The following USP49 variants were observed in gnomAD, a reference collection of about 807,000 sequenced individuals.
USP49 encodes the protein ubiquitin carboxyl-terminal hydrolase 49.
Under a neutral mutation model 58.6 loss-of-function variants are expected in USP49, and 24 were observed. The ratio of observed to expected loss-of-function variants is 0.41; its 90% CI spans 0.30 to 0.58. USP49 has a LOEUF of 0.58. Among genes scored for constraint, USP49 ranks in the 20% least tolerant of loss-of-function variants. The pLI is 0.30. For synonymous variants in USP49, 408 were observed against 365.1 expected, an observed-to-expected ratio of 1.12 and a Z score of -1.34; for missense variants, 703 against 866.1, an observed-to-expected ratio of 0.81 and a Z score of 2.36.
chr6:41,893,292 G>C (rs992085682), intron 1 of USP49, among the ~76,000 whole-genome samples: 2 of 152,134 alleles, frequency 1.3e-5, no homozygotes, highest in Non-Finnish European at 2.9e-5. Flanking sequence ...CAAAGCTAAA[G>C]GCAGCTCAGG....
In USP49 at chr6:41,805,145, G is replaced by A. The variant is rs73733034; in HGVS notation, c.1356+483C>T. Reference sequence around the variant, plus strand: ...TTAGGTTACATGGCTAAAGATGCAGGAAATAAAAGGTAATGGGGAACAGGA... The same window carrying A: ...TTAGGTTACATGGCTAAAGATGCAGAAAATAAAAGGTAATGGGGAACAGGA... On this transcript the variant is annotated intron_variant, in intron 4 of 7. Transcript: ENST00000682992. 3.9e-3 allele frequency among the ~76,000 whole-genome samples: 598 copies of A among 152,314 alleles called. 6 individuals are homozygous for A. The highest frequency in any genetic ancestry group is 0.014 in the African/African-American group (565 of 41,560).
intron 4 of USP49, among the ~76,000 whole-genome samples, chr6:41,804,878 A>T (rs1581991825): frequency 1.3e-5 from 2 of 152,232 alleles, no homozygotes; most frequent in South Asian, 2.1e-4. Flanking sequence ...CCTCCCAAGT[A>T]GCTGGGATTA....
chr6:41,848,539 A>T (rs1773963366), intron 3 of USP49, among the ~76,000 whole-genome samples: 1 of 151,776 alleles, frequency 6.6e-6, no homozygotes, highest in Admixed American at 6.6e-5. Flanking sequence ...GCTAATTAAA[A>T]ATATATATAT....
chr6:41,848,359 C>T (rs1773958831), intron 3 of USP49, among the ~76,000 whole-genome samples: 1 of 152,022 alleles, frequency 6.6e-6, no homozygotes, highest in Admixed American at 6.6e-5. Flanking sequence ...ATCCTTCCCT[C>T]CCTATTGGTA....
chr6:41,814,919 AACTT>A (rs1773322002), intron 3 of USP49, among the ~76,000 whole-genome samples: 2 of 152,284 alleles, frequency 1.3e-5, no homozygotes, highest in Non-Finnish European at 1.5e-5. Context: ...TTAACCCTTT[AACTT>A]ACTAAGTGTA....
At chr6:41,808,162 T>G (rs192596699) in intron 3 of USP49, among the ~76,000 whole-genome samples, 9 of 152,092 alleles carry the variant, frequency 5.9e-5, no homozygotes, top group Non-Finnish European at 8.8e-5. Context: ...GAAAGGTAAG[T>G]AAAGAACTGG....
At chr6:41,882,166 G>T (rs904686244) in intron 2 of USP49, among the ~76,000 whole-genome samples, 8 of 152,056 alleles carry the variant, frequency 5.3e-5, no homozygotes, top group African/African-American at 1.9e-4. Context: ...CTCATCTAGG[G>T]TGTGTCTGGA....
rs756544345 is a variant in USP49, at chr6:41,799,946, GT to G, written c.1562-9del. On this transcript the variant is annotated splice_polypyrimidine_tract_variant and intron_variant, in intron 5 of 7. Transcript: ENST00000682992. ...TGGATTTTCGTCGTTTGCCTATGTG[GT>G]TTGGGAAGGTATAAGACATAGGTTG... 6.2e-7 allele frequency: 1 copy of G among 1,613,404 alleles called. No individual in the cohort carries two copies. Among genetic ancestry groups the G allele is most frequent in the South Asian group, 1.1e-5 (1 of 91,056 alleles).
chr6:41,895,040 G>A (rs1024683474), intron 1 of USP49, among the ~76,000 whole-genome samples: 2 of 38,364 alleles, frequency 5.2e-5, no homozygotes, highest in African/African-American at 2.1e-4. Flanking sequence ...CCCCCGCCCC[G>A]GGCGCCCCCA....
Position 41,853,273 on chromosome 6 carries a change from A to G in USP49, c.-29+18291T>C, listed in dbSNP as rs1774062818. Among the ~76,000 whole-genome samples, 3 of 152,232 alleles carry G rather than the reference A, an allele frequency of 2.0e-5. No individual in the cohort carries two copies. In the South Asian group the frequency reaches 6.2e-4, roughly 31 times the overall value. On this transcript the variant is annotated intron_variant, in intron 3 of 7. Coordinates refer to ENST00000682992, the MANE Select transcript of USP49 (RefSeq NM_001286554.2). Reference sequence around the variant, plus strand: ...ACTTTAGGCAAAATGAAATATGCCCATCGGAAAAAGACAAATACTGTATGA... The same window carrying G: ...ACTTTAGGCAAAATGAAATATGCCCGTCGGAAAAAGACAAATACTGTATGA...
At chr6:41,829,942 C>T (rs1329147181) in intron 3 of USP49, among the ~76,000 whole-genome samples, 3 of 152,078 alleles carry the variant, frequency 2.0e-5, no homozygotes. Context: ...AGAAGAACTT[C>T]CCCTTTTAAA....
At chr6:41,887,960 T>C (rs1487107374) in intron 2 of USP49, among the ~76,000 whole-genome samples, 1 of 150,680 alleles carries the variant, frequency 6.6e-6, no homozygotes, top group African/African-American at 2.4e-5. Context: ...TCCGAAACAA[T>C]AACACATGAC....
In USP49 at chr6:41,796,500, C is replaced by T. The variant is rs1772889337; in HGVS notation, c.*33G>A. 2.8e-6 allele frequency: 2 copies of T among 713,708 alleles called. No individual in the cohort carries two copies. Among genetic ancestry groups the T allele is most frequent in the South Asian group, 1.5e-5 (1 of 67,322 alleles). 44.2% of individuals were successfully genotyped at this position (713,708 alleles called of 1,614,324 possible). On this transcript the variant is annotated 3_prime_UTR_variant, in exon 8 of 8. Coordinates refer to ENST00000682992, the MANE Select transcript of USP49 (RefSeq NM_001286554.2). ...GAGGAAAGATGTATGGACACCAATACACAAAAGCCAGTCTTTGATACATGC... is the reference window on the plus strand; with the variant it reads ...GAGGAAAGATGTATGGACACCAATATACAAAAGCCAGTCTTTGATACATGC...
chr6:41,839,126 T>G (rs1773776289), intron 3 of USP49, among the ~76,000 whole-genome samples: 1 of 151,054 alleles, frequency 6.6e-6, no homozygotes, highest in South Asian at 2.1e-4. Flanking sequence ...TCTGAAAGAG[T>G]CCTGGTGTGG....
intron 3 of USP49, among the ~76,000 whole-genome samples, chr6:41,851,418 C>T (rs1048387349): frequency 6.6e-6 from 1 of 152,080 alleles, no homozygotes; most frequent in Admixed American, 6.6e-5. Context: ...AGGCACTGGA[C>T]AAGATTCAAC....
chr6:41,877,691 ACTGGGATT>A (rs1199922454), intron 2 of USP49, among the ~76,000 whole-genome samples: 2 of 107,006 alleles, frequency 1.9e-5, no homozygotes, highest in East Asian at 7.0e-4. Context: ...CTCCCAAGTA[ACTGGGATT>A]ACAGGTTTGC....
At chr6:41,823,693 T>C (rs927989290) in intron 3 of USP49, among the ~76,000 whole-genome samples, 3 of 151,870 alleles carry the variant, frequency 2.0e-5, no homozygotes, top group African/African-American at 7.3e-5. Flanking sequence ...AGAAGTGAAT[T>C]TGTGGGCAGA....
chr6:41,830,121 C>T (rs559558894), intron 3 of USP49, among the ~76,000 whole-genome samples: 18 of 152,096 alleles, frequency 1.2e-4, no homozygotes, highest in African/African-American at 4.1e-4. Context: ...AGAAGATTAG[C>T]CTTTCATTTT....
chr6:41,822,818 CAA>C (rs11324219), intron 3 of USP49, among the ~76,000 whole-genome samples: 20 of 144,658 alleles, frequency 1.4e-4, no homozygotes, highest in South Asian at 2.2e-4. Flanking sequence ...GACTCCATCT[CAA>C]AAAAAAAAAA....
Sources: allele counts gnomAD v4.1 joint callset (sites outside exome capture counted in the v4.1 genomes callset), GRCh38; gene constraint gnomAD v4.1.1; transcripts MANE v1.5; gene names NCBI Gene and HGNC (gene_info 2026-07-23, HGNC 2026-07-21).